DNAH8: variants seen among roughly 807,000 people sequenced by gnomAD.
DNAH8 encodes axonemal beta dynein heavy chain 8.
DNAH8 carries 382 observed loss-of-function variants against 562.1 expected under a neutral mutation model. The ratio of observed to expected loss-of-function variants is 0.68; its 90% CI spans 0.63 to 0.74. DNAH8 has a LOEUF of 0.74. Ranked by LOEUF, DNAH8 falls within the 30% of genes least tolerant of loss-of-function variation. The pLI, the probability that DNAH8 is intolerant of heterozygous loss-of-function variation, is 0.00. For missense variants in DNAH8, 5,203 were observed against 5,620.4 expected (o/e 0.93, Z 2.37); for synonymous variants, 1,881 against 1,919.4 (o/e 0.98, Z 0.52).
intron 21 of DNAH8, among the ~76,000 whole-genome samples, chr6:38,798,934 T>C (rs1162990440): frequency 1.3e-5 from 2 of 152,096 alleles, no homozygotes; most frequent in Non-Finnish European, 2.9e-5. Context: ...GTGGCAGGGC[T>C]CTACCAGAGA....
At chr6:38,969,229 AT>A (rs1293742666) in intron 82 of DNAH8, among the ~76,000 whole-genome samples, 2 of 152,206 alleles carry the variant, frequency 1.3e-5, no homozygotes, top group Admixed American at 6.5e-5. Flanking sequence ...ATATTTTAAA[AT>A]ATTAAAGTAT....
intron 4 of DNAH8, 97 bp downstream of exon 4, chr6:38,730,083 A>G: frequency 3.2e-6 from 2 of 617,000 alleles, no homozygotes. Flanking sequence ...CTTTATTTAT[A>G]AAGAAAATGT....
At chr6:38,994,983 T>G (rs187050301) in intron 88 of DNAH8, among the ~76,000 whole-genome samples, 48 of 152,198 alleles carry the variant, frequency 3.2e-4, no homozygotes, top group African/African-American at 1.0e-3. Flanking sequence ...CTTTCTATTT[T>G]GTAGCAGTCT....
intron 7 of DNAH8, among the ~76,000 whole-genome samples, chr6:38,740,973 G>T (rs532432293): frequency 6.6e-6 from 1 of 152,250 alleles, no homozygotes; most frequent in East Asian, 1.9e-4. Flanking sequence ...GCCATTTTTG[G>T]TTTTTTATTT....
At chr6:39,013,144 G>C (rs1303632336) in intron 91 of DNAH8, among the ~76,000 whole-genome samples, 1 of 152,074 alleles carries the variant, frequency 6.6e-6, no homozygotes, top group Non-Finnish European at 1.5e-5. Context: ...TTATAATTCT[G>C]CTTCATTTAT....
intron 88 of DNAH8, among the ~76,000 whole-genome samples, chr6:39,008,448 A>T (rs1374835622): frequency 6.6e-6 from 1 of 152,190 alleles, no homozygotes; most frequent in African/African-American, 2.4e-5. Context: ...ATAGACTCTT[A>T]TGACCAGTCT....
At chr6:38,751,740 G>A (rs1005097098) in intron 9 of DNAH8, among the ~76,000 whole-genome samples, 3 of 151,596 alleles carry the variant, frequency 2.0e-5, no homozygotes, top group South Asian at 2.1e-4. Flanking sequence ...TATAAAATAT[G>A]AAAATTAAAA....
chr6:38,861,542 C>G (rs1359210700), intron 43 of DNAH8, among the ~76,000 whole-genome samples: 1 of 152,156 alleles, frequency 6.6e-6, no homozygotes, highest in Non-Finnish European at 1.5e-5. Flanking sequence ...CTTGCATCAG[C>G]CTGTGGTGCT....
intron 21 of DNAH8, among the ~76,000 whole-genome samples, chr6:38,793,798 T>G (rs1220133339): frequency 2.6e-5 from 4 of 152,188 alleles, no homozygotes; most frequent in Admixed American, 2.0e-4. Flanking sequence ...AAAAAATATT[T>G]TATATTTTAC....
chr6:39,003,910 CTCTT>C (rs2150755938), intron 88 of DNAH8, among the ~76,000 whole-genome samples: 1 of 152,162 alleles, frequency 6.6e-6, no homozygotes, highest in South Asian at 2.1e-4. Context: ...TTTTACGCCA[CTCTT>C]TCTATGTTTT....
intron 8 of DNAH8, chr6:38,744,095 G>A (rs1373692491): frequency 1.3e-5 from 2 of 152,114 alleles, no homozygotes; most frequent in African/African-American, 2.4e-5. Flanking sequence ...TGCCAGGCAT[G>A]GTGGCCTACA....
rs74367566 is a variant in DNAH8, at chr6:38,916,942, A to G, written c.10141-297A>G. On this transcript the variant is annotated intron_variant, in intron 68 of 92. Coordinates refer to ENST00000327475, the MANE Select transcript of DNAH8 (RefSeq NM_001206927.2). ...CTAATATAGACCCTGTGCTTTGAAG[A>G]TGCAAGTTATCTAAATGTTACATAT... 0.014 allele frequency among the ~76,000 whole-genome samples: 2,193 copies of G among 152,270 alleles called. 57 individuals are homozygous for G. Among genetic ancestry groups the G allele is most frequent in the African/African-American group, 0.05 (2,069 of 41,552 alleles).
intron 82 of DNAH8, among the ~76,000 whole-genome samples, chr6:38,966,379 G>T (rs1023888443): frequency 3.3e-5 from 5 of 152,162 alleles, no homozygotes; most frequent in African/African-American, 1.2e-4. Flanking sequence ...CTTAGTCCCA[G>T]ATGGCTTCAT....
At position 38,873,753 on chromosome 6, in the gene DNAH8, C is replaced by CACACACACACACAT. The variant is rs1554123985; in HGVS notation, c.7620+390_7620+391insTACACACACACACA. 2.3e-3 allele frequency among the ~76,000 whole-genome samples: 229 copies of CACACACACACACAT among 99,202 alleles called. 1 individual carries two copies. The highest frequency in any genetic ancestry group is 4.9e-3 in the Middle Eastern group (1 of 204). 65.1% of individuals were successfully genotyped at this position (99,202 alleles called of 152,430 possible). ...ACACACACACACACACACACACACA[C>CACACACACACACAT]ACACACACACACACACCCCTGCACT... On this transcript the variant is annotated intron_variant, in intron 52 of 92. Coordinates refer to ENST00000327475, the MANE Select transcript of DNAH8 (RefSeq NM_001206927.2).
intron 12 of DNAH8, among the ~76,000 whole-genome samples, chr6:38,772,250 G>A (rs746389131): frequency 3.3e-5 from 5 of 151,934 alleles, no homozygotes; most frequent in Non-Finnish European, 7.4e-5. Flanking sequence ...GGATGGTCTC[G>A]ATCCTCTGAC....
rs111791517 is a variant in DNAH8, at chr6:38,931,897, A to G, written c.11361A>G (p.Pro3787=). The G allele has an allele frequency of 3.8e-3, 6,159 of 1,612,086 alleles. 89 individuals carry two copies. The highest frequency in any genetic ancestry group is 0.038 in the African/African-American group (2,830 of 74,880). ...TTKLPNPAFT[P]EINAKTSVID... ...AGTTACCAAATCCTGCCTTTACCCC[A>G]GAGATTAATGCTAAAACGTCAGTCA... The change falls in exon 76 of 93, where the codon CCA becomes CCG. Residue 3787 remains proline, a synonymous_variant. Transcript: ENST00000327475.
chr6:38,892,002 T>C (rs1261100461), intron 58 of DNAH8, among the ~76,000 whole-genome samples: 2 of 152,180 alleles, frequency 1.3e-5, no homozygotes, highest in Admixed American at 6.5e-5. Flanking sequence ...GCATTTGACC[T>C]AAATGATCCT....
In DNAH8 at chr6:38,734,519, T is replaced by C. The variant is rs761327493; in HGVS notation, c.656T>C (p.Met219Thr). The C allele has an allele frequency of 1.1e-5, 18 of 1,613,726 alleles. No homozygotes were observed. In the African/African-American group the frequency reaches 2.4e-4, roughly 22 times the overall value. Residue 219 changes from methionine (M) to threonine (T), a missense_variant, in exon 5 of 93, where the codon ATG becomes ACG. Met to Thr is a moderately conservative substitution (Grantham distance 81, BLOSUM62 -1). This residue lies in a region of DNAH8 where 556 missense variants were observed against 496.9 expected (regional missense o/e 1.12). Coordinates refer to ENST00000327475, the MANE Select transcript of DNAH8 (RefSeq NM_001206927.2). ...GGAGCAACTAAAGGGGCAAAAATGA[T>C]GAAATTGTATATAGACAATGCAGCC... Reference protein sequence around the residue: ...IAGATKGAKMMKLYIDNAAPD... With the variant: ...IAGATKGAKMTKLYIDNAAPD...
chr6:38,991,449 CTT>C (rs899968353), intron 88 of DNAH8, among the ~76,000 whole-genome samples: 14 of 152,200 alleles, frequency 9.2e-5, no homozygotes, highest in African/African-American at 3.4e-4. Flanking sequence ...ACAATCAACT[CTT>C]AACGTTTTAT....
Sources: gnomAD v4.1 joint callset for allele counts (sites outside exome capture counted in the v4.1 genomes callset) on GRCh38, gnomAD v4.1.1 for gene constraint, gnomAD v4.1.1 regional missense constraint, MANE v1.5 for transcripts, NCBI Gene and HGNC (gene_info 2026-07-23, HGNC 2026-07-21) for gene names.